The following LINGO2 variants were observed in gnomAD, a reference collection of about 807,000 sequenced individuals.
LINGO2 encodes leucine rich repeat and Ig domain containing 2.
LINGO2 carries 14 observed loss-of-function variants against 30.6 expected under a neutral mutation model. The observed-to-expected ratio is 0.46, with a 90% CI of 0.30 to 0.72. The LOEUF is 0.72. LINGO2 is among the 30% of genes least tolerant of loss of function. LINGO2 has a pLI of 0.07. For synonymous variants in LINGO2, 317 were observed against 288.5 expected (o/e 1.10, Z -1.00); for missense variants, 729 against 751.7 (o/e 0.97, Z 0.35).
intron 4 of LINGO2, among the ~76,000 whole-genome samples, chr9:28,123,492 T>C (rs1041662477): frequency 3.3e-5 from 5 of 152,082 alleles, no homozygotes; most frequent in African/African-American, 4.8e-5. Context: ...ATTTTCTAGA[T>C]AGGAATCTGC....
At chr9:29,044,961 T>G in the LINGO2 span, among the ~76,000 whole-genome samples, 2 of 152,112 alleles carry the variant, frequency 1.3e-5, no homozygotes, top group Non-Finnish European at 2.9e-5. Flanking sequence ...TTGTAAATAT[T>G]TCTCTCTCTC....
In LINGO2 at chr9:28,108,683, T is replaced by G. The variant is rs779819388; in HGVS notation, c.-86-96278A>C. ...CAGAATGCAACCTGGAACTATTAGT[T>G]CCTGGTAAAAAGAGTCCCAAAGGAT... On this transcript the variant is annotated intron_variant, in intron 4 of 5. Coordinates refer to ENST00000379992, the Ensembl canonical transcript of LINGO2. 2.0e-5 allele frequency among the ~76,000 whole-genome samples: 3 copies of G among 152,094 alleles called. No individual in the cohort carries two copies. In the East Asian group the frequency reaches 5.8e-4, roughly 29 times the overall value.
intron 4 of LINGO2, among the ~76,000 whole-genome samples, chr9:28,249,248 A>G (rs930777384): frequency 6.6e-6 from 1 of 152,146 alleles, no homozygotes; most frequent in African/African-American, 2.4e-5. Context: ...AGTTTTACCT[A>G]AAACTCTCTA....
At position 28,319,729 on chromosome 9, in the gene LINGO2, A is replaced by C. The variant is rs541230439; in HGVS notation, c.-245-24363T>G. Reference sequence around the variant, plus strand: ...AGAATGAGAGGAGGCGACTGATTACACAGGAGCTTGAGGCAATTTTTTGGG... The same window carrying C: ...AGAATGAGAGGAGGCGACTGATTACCCAGGAGCTTGAGGCAATTTTTTGGG... On this transcript the variant is annotated intron_variant, in intron 3 of 5. Coordinates refer to ENST00000379992, the Ensembl canonical transcript of LINGO2. Among the ~76,000 whole-genome samples, 5 of 152,300 alleles carry C rather than the reference A, an allele frequency of 3.3e-5. No individual in the cohort carries two copies. The East Asian group carries it at 9.6e-4, about 29-fold the overall frequency.
chr9:29,117,313 A>G, the LINGO2 span, among the ~76,000 whole-genome samples: 1 of 152,160 alleles, frequency 6.6e-6, no homozygotes, highest in African/African-American at 2.4e-5. Context: ...GGAAAAGAGA[A>G]AAAAAGCCCC....
chr9:29,004,729 T>C, the LINGO2 span, among the ~76,000 whole-genome samples: 7 of 152,034 alleles, frequency 4.6e-5, no homozygotes. Flanking sequence ...CATCTTCCTA[T>C]TAGATGCACA....
the LINGO2 span, among the ~76,000 whole-genome samples, chr9:28,944,707 C>T: frequency 3.3e-5 from 5 of 152,048 alleles, no homozygotes; most frequent in African/African-American, 4.8e-5. Flanking sequence ...CACCTGGCCG[C>T]TTTTGTTCTT....
At chr9:28,016,297 C>T (rs974759170) in intron 4 of LINGO2, among the ~76,000 whole-genome samples, 6 of 152,054 alleles carry the variant, frequency 3.9e-5, no homozygotes, top group Non-Finnish European at 5.9e-5. Context: ...CCAGGGTTTC[C>T]GTTGCAGATC....
At chr9:28,415,715 T>A (rs1328419408) in intron 2 of LINGO2, among the ~76,000 whole-genome samples, 1 of 152,160 alleles carries the variant, frequency 6.6e-6, no homozygotes, top group Non-Finnish European at 1.5e-5. Flanking sequence ...AGCACCTTAG[T>A]TTTTAATTAT....
At chr9:28,637,818 T>G (rs1212532811) in intron 1 of LINGO2, among the ~76,000 whole-genome samples, 1 of 152,164 alleles carries the variant, frequency 6.6e-6, no homozygotes, top group Non-Finnish European at 1.5e-5. Context: ...TTTATTTCTT[T>G]CTGCTGCCTG....
At chr9:28,015,380 A>G (rs1822776138) in intron 4 of LINGO2, among the ~76,000 whole-genome samples, 3 of 152,264 alleles carry the variant, frequency 2.0e-5, no homozygotes, top group Non-Finnish European at 4.4e-5. Context: ...ATAAAAATGC[A>G]TAGAACACAC....
intron 4 of LINGO2, among the ~76,000 whole-genome samples, chr9:28,280,978 A>G (rs1235394164): frequency 6.6e-6 from 1 of 152,200 alleles, no homozygotes; most frequent in East Asian, 1.9e-4. Flanking sequence ...GAACAGTAAC[A>G]GAAGCAATCT....
chr9:28,714,997 C>T, the LINGO2 span, among the ~76,000 whole-genome samples: 2 of 151,966 alleles, frequency 1.3e-5, no homozygotes, highest in South Asian at 4.2e-4. Context: ...ACTATGAGTC[C>T]ATCTGTATCT....
At chr9:28,600,925 A>T (rs1443064337) in intron 1 of LINGO2, among the ~76,000 whole-genome samples, 1 of 152,178 alleles carries the variant, frequency 6.6e-6, no homozygotes, top group Non-Finnish European at 1.5e-5. Flanking sequence ...TCCTAAATCC[A>T]TAGATTAACA....
chr9:28,796,546 G>C, the LINGO2 span, among the ~76,000 whole-genome samples: 199 of 152,056 alleles, frequency 1.3e-3, 1 homozygote, highest in Middle Eastern at 0.031. Flanking sequence ...TAAATCTATT[G>C]AAATGTTCTC....
chr9:29,073,091 T>C, the LINGO2 span, among the ~76,000 whole-genome samples: 1 of 151,810 alleles, frequency 6.6e-6, no homozygotes, highest in Non-Finnish European at 1.5e-5. Context: ...TTATCTACAA[T>C]CTTGTATTTT....
the LINGO2 span, among the ~76,000 whole-genome samples, chr9:29,065,936 T>A: frequency 2.0e-5 from 3 of 151,988 alleles, no homozygotes; most frequent in Non-Finnish European, 4.4e-5. Flanking sequence ...GTGGTAGTTA[T>A]TTCTGTTGGA....
chr9:28,434,356 A>T (rs919645435), intron 2 of LINGO2, among the ~76,000 whole-genome samples: 31 of 151,568 alleles, frequency 2.0e-4, no homozygotes, highest in African/African-American at 7.5e-4. Flanking sequence ...AAGGAAAAAA[A>T]AAAAAGAGAG....
the LINGO2 span, among the ~76,000 whole-genome samples, chr9:29,072,220 A>T: frequency 1.3e-5 from 2 of 152,130 alleles, no homozygotes; most frequent in Non-Finnish European, 2.9e-5. Context: ...CCAAGAGCAC[A>T]AGCCCTGCAT....
Sources: allele counts gnomAD v4.1 joint callset (sites outside exome capture counted in the v4.1 genomes callset), GRCh38; gene constraint gnomAD v4.1.1; transcripts MANE v1.5; gene names NCBI Gene and HGNC (gene_info 2026-07-23, HGNC 2026-07-21).